The following LUZP1 variants were observed in gnomAD, a reference collection of about 807,000 sequenced individuals.
LUZP1 encodes filamin mechanobinding actin cross-linking protein.
Under a neutral mutation model 71.3 loss-of-function variants are expected in LUZP1, and 25 were observed. The ratio of observed to expected loss-of-function variants is 0.35; its 90% CI spans 0.26 to 0.49. The LOEUF is 0.49. Ranked by LOEUF, LUZP1 falls within the 20% of genes least tolerant of loss-of-function variation. The pLI is 0.99. For missense variants in LUZP1, 1,142 were observed against 1,300.8 expected, an observed-to-expected ratio of 0.88 and a Z score of 1.88; for synonymous variants, 481 against 506.4, an observed-to-expected ratio of 0.95 and a Z score of 0.67.
At chr1:23,126,167 A>G (rs1569620454) in intron 2 of LUZP1, among the ~76,000 whole-genome samples, 1 of 152,276 alleles carries the variant, frequency 6.6e-6, no homozygotes, top group East Asian at 1.9e-4. Flanking sequence ...TGTTCCAAGG[A>G]TGGCATGCAG....
At chr1:23,174,142 C>G (rs779247900) in intron 1 of LUZP1, among the ~76,000 whole-genome samples, 1 of 151,988 alleles carries the variant, frequency 6.6e-6, no homozygotes, top group South Asian at 2.1e-4. Context: ...GCTGGAGAAC[C>G]AGAAAAGATG....
exon 4 of LUZP1, chr1:23,091,784 C>T: frequency 6.2e-7 from 1 of 1,614,112 alleles, no homozygotes; most frequent in Non-Finnish European, 8.5e-7. Context: ...CTGCCAGCCC[C>T]ACCTGGATAT....
At chr1:23,139,020 AT>A (rs1250507940) in intron 2 of LUZP1, among the ~76,000 whole-genome samples, 7,055 of 49,978 alleles carry the variant, frequency 0.14, 537 homozygotes, top group East Asian at 0.18. Flanking sequence ...AAAAAAAAAA[AT>A]ATATATATAT....
In LUZP1 at chr1:23,155,506, T is replaced by C. The variant is rs938725174; in HGVS notation, c.-226+13260A>G. ...TGCAAAATGAGGATAATAATAGTTATCCTCATTAATATCTACCCTAATGGG... is the reference window on the plus strand; with the variant it reads ...TGCAAAATGAGGATAATAATAGTTACCCTCATTAATATCTACCCTAATGGG... On this transcript the variant is annotated intron_variant, in intron 2 of 4. Coordinates refer to ENST00000302291, the Ensembl canonical transcript of LUZP1. 5.3e-5 allele frequency among the ~76,000 whole-genome samples: 8 copies of C among 152,206 alleles called. No homozygotes were observed. In the South Asian group the frequency reaches 1.0e-3, roughly 20 times the overall value.
Position 23,093,105 on chromosome 1 carries a change from G to C in LUZP1, c.1157C>G (p.Ser386Cys). ...AGACAGTTCCCGCGCTGTGTGCTTGGACACAGAAGCTTCACTTCCGTGGCC... is the reference window on the plus strand; with the variant it reads ...AGACAGTTCCCGCGCTGTGTGCTTGCACACAGAAGCTTCACTTCCGTGGCC... The change falls in exon 4 of 5, where the codon TCC (serine) becomes TGC (cysteine). Residue 386 changes from serine to cysteine, a missense_variant. By Grantham distance (112) the Ser-to-Cys change is moderately radical. Transcript: ENST00000302291. The surrounding 1 kb of genome is among the most constrained non-coding windows in gnomAD (Gnocchi z 4.2). 6.2e-7 allele frequency: 1 copy of C among 1,614,046 alleles called. No individual in the cohort carries two copies. The highest frequency in any genetic ancestry group is 8.5e-7 in the Non-Finnish European group (1 of 1,179,990).
intron 2 of LUZP1, among the ~76,000 whole-genome samples, chr1:23,162,134 C>T (rs1644472050): frequency 6.6e-6 from 1 of 150,652 alleles, no homozygotes; most frequent in Non-Finnish European, 1.5e-5. Context: ...AGGAGCCAGA[C>T]CACAAACAAT....
At chr1:23,130,121 TG>T (rs1306820446) in intron 2 of LUZP1, among the ~76,000 whole-genome samples, 1 of 152,216 alleles carries the variant, frequency 6.6e-6, no homozygotes, top group Non-Finnish European at 1.5e-5. Flanking sequence ...GTTATAACTT[TG>T]CCCAGACATT....
At chr1:23,160,372 T>C (rs1286993539) in intron 2 of LUZP1, among the ~76,000 whole-genome samples, 1 of 152,194 alleles carries the variant, frequency 6.6e-6, no homozygotes, top group Non-Finnish European at 1.5e-5. Context: ...CTTGTTTCTG[T>C]TAGTAATTCC....
At chr1:23,085,101 C>T (rs1204106496) in exon 5 of LUZP1, 1 of 152,634 alleles carries the variant, frequency 6.6e-6, no homozygotes, top group African/African-American at 2.4e-5. Context: ...ACTGCTTTGC[C>T]CTGGTTTCCA....
intron 2 of LUZP1, among the ~76,000 whole-genome samples, chr1:23,111,084 C>A (rs921260189): frequency 6.6e-6 from 1 of 151,060 alleles, no homozygotes; most frequent in Non-Finnish European, 1.5e-5. Flanking sequence ...CCTATAATCC[C>A]AGCTACTCAG....
chr1:23,144,071 C>T (rs1261588897), intron 2 of LUZP1, among the ~76,000 whole-genome samples: 10 of 152,274 alleles, frequency 6.6e-5, no homozygotes, highest in Admixed American at 5.9e-4. Context: ...AGGTACAATA[C>T]ACATTTGCTG....
exon 5 of LUZP1, chr1:23,085,162 ACTCT>A (rs1350264384): frequency 2.0e-5 from 3 of 152,104 alleles, no homozygotes; most frequent in Non-Finnish European, 2.9e-5. Flanking sequence ...CTGCACCTAG[ACTCT>A]AAGGGGCAGG....
intron 2 of LUZP1, among the ~76,000 whole-genome samples, chr1:23,138,695 G>GTATA (rs1458999476): frequency 9.1e-6 from 1 of 109,592 alleles, no homozygotes; most frequent in Non-Finnish European, 1.8e-5. Flanking sequence ...GTGTGTGTGT[G>GTATA]TGTATATATA....
chr1:23,162,148 T>A (rs1569702704), intron 2 of LUZP1, among the ~76,000 whole-genome samples: 1 of 149,966 alleles, frequency 6.7e-6, no homozygotes, highest in Admixed American at 6.7e-5. Context: ...AAACAATATA[T>A]ACTATATGAT....
At chr1:23,155,110 G>C (rs931526041) in intron 2 of LUZP1, among the ~76,000 whole-genome samples, 7 of 152,186 alleles carry the variant, frequency 4.6e-5, no homozygotes, top group African/African-American at 1.4e-4. Context: ...TACAGCTGTG[G>C]CAAGAAGCAT....
exon 5 of LUZP1, chr1:23,085,258 T>C (rs993885575): frequency 2.0e-5 from 3 of 152,602 alleles, no homozygotes; most frequent in African/African-American, 7.2e-5. Context: ...TATAATGCAA[T>C]AACAGTTTAT....
At chr1:23,136,179 A>G (rs1011919991) in intron 2 of LUZP1, among the ~76,000 whole-genome samples, 3 of 152,124 alleles carry the variant, frequency 2.0e-5, no homozygotes, top group African/African-American at 7.2e-5. Context: ...TCAAATGATT[A>G]GAGTTAGTCA....
chr1:23,085,823 A>C (rs1393622271), exon 5 of LUZP1: 1 of 152,190 alleles, frequency 6.6e-6, no homozygotes, highest in Non-Finnish European at 1.5e-5. Flanking sequence ...ATCCACCTGC[A>C]GCTTTCTCTG....
intron 2 of LUZP1, among the ~76,000 whole-genome samples, chr1:23,127,196 A>G (rs1184023912): frequency 6.6e-6 from 1 of 152,210 alleles, no homozygotes; most frequent in Non-Finnish European, 1.5e-5. Context: ...CTATTCCTCA[A>G]AATAATTCTA....
Sources: gnomAD v4.1 joint callset for allele counts (sites outside exome capture counted in the v4.1 genomes callset) on GRCh38, gnomAD v4.1.1 for gene constraint, Gnocchi (gnomAD v3.1) non-coding constraint, MANE v1.5 for transcripts, NCBI Gene and HGNC (gene_info 2026-07-23, HGNC 2026-07-21) for gene names.